SLCO1A2: variants seen among roughly 807,000 people sequenced by gnomAD.
The protein encoded by SLCO1A2 is OATP-1.
In SLCO1A2, 67 loss-of-function variants were observed where a neutral mutation model predicts 69.0. The ratio of observed to expected loss-of-function variants is 0.97; its 90% CI spans 0.80 to 1.19. The LOEUF (loss-of-function observed/expected upper bound fraction) is 1.19. Ranked by LOEUF, SLCO1A2 falls within the 50% of genes most tolerant of loss-of-function variation. The pLI, the probability that SLCO1A2 is intolerant of heterozygous loss-of-function variation, is 0.00. For missense variants in SLCO1A2, 787 were observed against 793.7 expected (o/e 0.99, Z 0.10); for synonymous variants, 260 against 265.9 (o/e 0.98, Z 0.22).
At chr12:21,311,112 A>G (rs1191510901) in intron 4 of SLCO1A2, among the ~76,000 whole-genome samples, 1 of 152,186 alleles carries the variant, frequency 6.6e-6, no homozygotes, top group African/African-American at 2.4e-5. Flanking sequence ...ATAAACAGAA[A>G]GTCTTCATTT....
chr12:21,338,280 T>C (rs1371081643), upstream of SLCO1A2, among the ~76,000 whole-genome samples: 14 of 151,910 alleles, frequency 9.2e-5, no homozygotes, highest in East Asian at 2.5e-3. Context: ...TACTGCCTAA[T>C]TGTAGTGAGA....
At chr12:21,358,059 C>T (rs944077268) in intron 2 of SLCO1A2, among the ~76,000 whole-genome samples, 1 of 152,078 alleles carries the variant, frequency 6.6e-6, no homozygotes, top group Admixed American at 6.6e-5. Flanking sequence ...CAAAACTTTA[C>T]TCACATGTTT....
chr12:21,376,460 T>C (rs1940199891), intron 1 of SLCO1A2: 1 of 181,664 alleles, frequency 5.5e-6, no homozygotes, highest in Admixed American at 6.1e-5. Context: ...GTCATATTTA[T>C]GGTACCTTCA....
In SLCO1A2 at chr12:21,390,237, A is replaced by T. The variant is rs111638024; in HGVS notation, c.-190+4669T>A. ...ACAGAAAGATATTTGTAGTGTCAGG[A>T]GGCATCTGACCATATGGCCAAACTT... On this transcript the variant is annotated intron_variant, in intron 1 of 15. Coordinates refer to the SLCO1A2 transcript ENST00000307378. 8.9e-4 allele frequency among the ~76,000 whole-genome samples: 135 copies of T among 152,184 alleles called. 1 individual carries two copies. Among genetic ancestry groups the T allele is most frequent in the African/African-American group, 3.2e-3 (131 of 41,574 alleles).
chr12:21,288,100 G>A (rs1946244989), intron 12 of SLCO1A2, among the ~76,000 whole-genome samples: 1 of 151,846 alleles, frequency 6.6e-6, no homozygotes, highest in Non-Finnish European at 1.5e-5. Context: ...AAGTAGGGCA[G>A]GCACCAAAAG....
At chr12:21,329,558 G>A (rs998819343) in intron 2 of SLCO1A2, among the ~76,000 whole-genome samples, 2 of 150,964 alleles carry the variant, frequency 1.3e-5, no homozygotes, top group African/African-American at 2.4e-5. Flanking sequence ...CTAACTCCTC[G>A]GGAGCATAAT....
intron 12 of SLCO1A2, among the ~76,000 whole-genome samples, chr12:21,276,275 CA>C (rs1405035073): frequency 2.6e-5 from 4 of 151,860 alleles, no homozygotes; most frequent in African/African-American, 4.8e-5. Flanking sequence ...TTAAAAACAG[CA>C]GCATTCCTCT....
chr12:21,413,040 A>G (rs1379251119), intron 1 of SLCO1A2, among the ~76,000 whole-genome samples: 1 of 151,826 alleles, frequency 6.6e-6, no homozygotes, highest in African/African-American at 2.4e-5. Context: ...ACCAAAGTAT[A>G]CTCCAATAAA....
chr12:21,274,939 T>C (rs1170890440), intron 13 of SLCO1A2: 7 of 1,047,358 alleles, frequency 6.7e-6, no homozygotes, highest in African/African-American at 1.7e-5. Context: ...CAAAGAATAG[T>C]GTAATTAAGG....
At chr12:21,394,513 G>C (rs746672262) in intron 1 of SLCO1A2, among the ~76,000 whole-genome samples, 72 of 148,800 alleles carry the variant, frequency 4.8e-4, no homozygotes, top group Non-Finnish European at 1.5e-4. Flanking sequence ...CCACACTCCA[G>C]CCTGGGTGAC....
intron 1 of SLCO1A2, among the ~76,000 whole-genome samples, chr12:21,401,730 C>T (rs912877234): frequency 5.3e-5 from 8 of 151,478 alleles, no homozygotes; most frequent in Non-Finnish European, 1.5e-5. Flanking sequence ...AAAAGATGAT[C>T]GGTACCTGAC....
chr12:21,273,636 C>T (rs1326241774), intron 14 of SLCO1A2, among the ~76,000 whole-genome samples: 2 of 152,080 alleles, frequency 1.3e-5, no homozygotes, highest in Non-Finnish European at 1.5e-5. Context: ...AATAGTGACC[C>T]TTGGGGTTCC....
rs200590450 is a variant in SLCO1A2, at chr12:21,292,274, G to A, written c.1500C>T (p.Cys500=). The change falls in exon 12 of 15, where the codon TGC becomes TGT. Residue 500 remains cysteine (C), a synonymous_variant. Transcript: ENST00000683939. ...TCAAGGAACAGTCAGGTCCTTTGTC[G>A]CACAGCCCAAGAACTGCAGATGAAT... is the stretch of plus-strand genomic sequence containing the variant. The part of the protein sequence containing the change: ...SGNSSAVLGL[C]DKGPDCSLML... 2.0e-5 allele frequency: 33 copies of A among 1,612,540 alleles called. No individual in the cohort carries two copies. The Admixed American group carries it at 2.3e-4, about 11-fold the overall frequency.
chr12:21,335,372 T>G (rs1952847771), upstream of SLCO1A2, among the ~76,000 whole-genome samples: 1 of 141,014 alleles, frequency 7.1e-6, no homozygotes, highest in Non-Finnish European at 1.5e-5. Flanking sequence ...GGTATCTATA[T>G]GTAGCTATAC....
rs935056335 is a variant in SLCO1A2 at position 21,268,706 on chromosome 12, T to C, written c.*842A>G. On this transcript the variant is annotated 3_prime_UTR_variant, in exon 15 of 15. Transcript: ENST00000683939. ...CTACCTTAGGACACAATGGGTGATATAAACATCGGTCTAAAGAGTCCTGAA... is the reference window on the plus strand; with the variant it reads ...CTACCTTAGGACACAATGGGTGATACAAACATCGGTCTAAAGAGTCCTGAA... The C allele has an allele frequency of 2.6e-5, 4 of 152,132 alleles. No homozygotes were observed. Among genetic ancestry groups the C allele is most frequent in the Non-Finnish European group, 4.4e-5 (3 of 67,994 alleles). The allele number at this position is 152,132 out of a possible 1,614,324, so 9.4% of individuals were successfully genotyped here.
upstream of SLCO1A2, among the ~76,000 whole-genome samples, chr12:21,418,831 T>G (rs1942031692): frequency 6.6e-6 from 1 of 152,152 alleles, no homozygotes; most frequent in South Asian, 2.1e-4. Flanking sequence ...AACAGGGGAT[T>G]AGCAAACTAC....
At chr12:21,359,090 A>T (rs1938608716) in intron 2 of SLCO1A2, among the ~76,000 whole-genome samples, 1 of 152,122 alleles carries the variant, frequency 6.6e-6, no homozygotes, top group African/African-American at 2.4e-5. Flanking sequence ...GGATTTTTAG[A>T]CCCCAGAAAA....
At position 21,265,658 on chromosome 12, in the gene SLCO1A2, A is replaced by C. The variant is rs1941996730; in HGVS notation, c.*3890T>G. ...TTTTATGCCTCTTGGGATTCTACAG[A>C]AAAGCATTTTCTGCTCTCTTCTCTT... On this transcript the variant is annotated 3_prime_UTR_variant, in exon 15 of 15. Coordinates refer to ENST00000683939, the MANE Select transcript of SLCO1A2 (RefSeq NM_001386879.1). The C allele has an allele frequency of 6.6e-6, 1 of 152,140 alleles. No individual in the cohort carries two copies. Among genetic ancestry groups the C allele is most frequent in the African/African-American group, 2.4e-5 (1 of 41,440 alleles). 9.4% of individuals were successfully genotyped at this position (152,140 alleles called of 1,614,324 possible).
chr12:21,318,123 C>T (rs530568729), intron 3 of SLCO1A2, among the ~76,000 whole-genome samples: 1 of 139,492 alleles, frequency 7.2e-6, no homozygotes, highest in Non-Finnish European at 1.6e-5. Context: ...GGTCTTCTAC[C>T]TTTTCTTTTT....
Sources: gnomAD v4.1 joint callset for allele counts (sites outside exome capture counted in the v4.1 genomes callset) on GRCh38, gnomAD v4.1.1 for gene constraint, MANE v1.5 for transcripts, NCBI Gene and HGNC (gene_info 2026-07-23, HGNC 2026-07-21) for gene names.